Variants in HSD11B1 observed in about 807,000 individuals in gnomAD.
The protein encoded by HSD11B1 is 11-beta-hydroxysteroid dehydrogenase 1.
Under a neutral mutation model 22.1 loss-of-function variants are expected in HSD11B1, and 15 were observed. The ratio of observed to expected loss-of-function variants is 0.68; its 90% CI spans 0.45 to 1.04. HSD11B1 has a LOEUF of 1.04. HSD11B1 is among the 50% of genes least tolerant of loss of function. The pLI, the probability that HSD11B1 is intolerant of heterozygous loss-of-function variation, is 0.00. For synonymous variants in HSD11B1, 122 were observed against 125.2 expected (o/e 0.97, Z 0.17); for missense variants, 281 against 357.6 (o/e 0.79, Z 1.73).
chr1:209,705,724 G>A, intron 1 of HSD11B1, 87 bp from the exon 2 acceptor site: 1 of 1,525,544 alleles, frequency 6.6e-7, no homozygotes, highest in Non-Finnish European at 9.1e-7. Flanking sequence ...GTTACAAATT[G>A]CGATAAGCAT....
intron 4 of HSD11B1, among the ~76,000 whole-genome samples, chr1:209,712,320 G>A (rs985342164): frequency 6.6e-6 from 1 of 152,160 alleles, no homozygotes; most frequent in African/African-American, 2.4e-5. Context: ...TTCTACATCT[G>A]TGGATTCAAC....
chr1:209,720,108 G>T (rs897580459), intron 4 of HSD11B1, among the ~76,000 whole-genome samples: 2 of 152,064 alleles, frequency 1.3e-5, no homozygotes, highest in Non-Finnish European at 2.9e-5. Flanking sequence ...TTAAAAAATG[G>T]TTAAGATAGT....
In HSD11B1 at chr1:209,697,999, G is replaced by A. The variant is rs192345070; in HGVS notation, c.-48-6896G>A. Among the ~76,000 whole-genome samples, 167 of 140,564 alleles carry A rather than the reference G, an allele frequency of 1.2e-3. 1 individual carries two copies. The highest frequency in any genetic ancestry group is 4.2e-3 in the African/African-American group (160 of 38,356). The allele number at this position is 140,564 out of a possible 152,430, so 92.2% of individuals were successfully genotyped here. Reference sequence around the variant, plus strand: ...CTCTCTTTGGCCTCCCCAGTGGCTGGGATTACAGCCAAGAGCCACCAAACC... The same window carrying A: ...CTCTCTTTGGCCTCCCCAGTGGCTGAGATTACAGCCAAGAGCCACCAAACC... On this transcript the variant is annotated intron_variant, in intron 1 of 6. Transcript: ENST00000261465.
At chr1:209,718,078 C>T (rs58627173) in intron 4 of HSD11B1, among the ~76,000 whole-genome samples, 14,555 of 151,982 alleles carry the variant, frequency 0.096, 2,117 homozygotes, top group African/African-American at 0.31. Flanking sequence ...TGATAGTTTA[C>T]AGAGACTGGG....
At chr1:209,719,368 T>C (rs1391341573) in intron 4 of HSD11B1, among the ~76,000 whole-genome samples, 1 of 152,166 alleles carries the variant, frequency 6.6e-6, no homozygotes, top group Non-Finnish European at 1.5e-5. Context: ...TACGTGAAGT[T>C]CTTAGAGTGG....
At chr1:209,692,890 C>T (rs1037148574) in intron 1 of HSD11B1, among the ~76,000 whole-genome samples, 1 of 152,166 alleles carries the variant, frequency 6.6e-6, no homozygotes, top group African/African-American at 2.4e-5. Context: ...GAGTGGAAAT[C>T]AGGAGTGTGT....
In HSD11B1 at chr1:209,692,616, G is replaced by T. The variant is rs1001309203; in HGVS notation, c.-49+6331G>T. ...TCGGGTATTAAAATGGCGGGGGGGGGGGTGGGGGCTCGGTTCTTGCTAAAT... is the reference window on the plus strand; with the variant it reads ...TCGGGTATTAAAATGGCGGGGGGGGTGGTGGGGGCTCGGTTCTTGCTAAAT... On this transcript the variant is annotated intron_variant, in intron 1 of 6. Transcript: ENST00000261465. Among the ~76,000 whole-genome samples, 559 of 110,530 alleles carry T rather than the reference G, an allele frequency of 5.1e-3. 72 individuals carry two copies. The highest frequency in any genetic ancestry group is 0.018 in the African/African-American group (542 of 29,412). The allele number at this position is 110,530 out of a possible 152,430, so 72.5% of individuals were successfully genotyped here.
chr1:209,719,987 T>C (rs2076955481), intron 4 of HSD11B1, among the ~76,000 whole-genome samples: 1 of 152,108 alleles, frequency 6.6e-6, no homozygotes, highest in Non-Finnish European at 1.5e-5. Flanking sequence ...TCAGGAGAAA[T>C]ACCTAATGTA....
rs1431918325 is a variant in HSD11B1, at chr1:209,706,031, C to A, written c.219+90C>A. ...CACATATACACAGAAGCTAGCATAT[C>A]GCAGATCTATATACAGAGGCACATG... On this transcript the variant is annotated intron_variant, in intron 2 of 5. Coordinates refer to ENST00000367027, the MANE Select transcript of HSD11B1 (RefSeq NM_005525.4). The surrounding 1 kb of genome is among the most constrained non-coding windows in gnomAD (Gnocchi z 4.0). The A allele has an allele frequency of 5.2e-6, 8 of 1,543,324 alleles. No individual in the cohort carries two copies. Among genetic ancestry groups the A allele is most frequent in the Non-Finnish European group, 5.4e-6 (6 of 1,119,526 alleles).
intron 1 of HSD11B1, among the ~76,000 whole-genome samples, chr1:209,694,400 A>G (rs1326356087): frequency 1.3e-5 from 2 of 152,232 alleles, no homozygotes; most frequent in Non-Finnish European, 2.9e-5. Context: ...GGCTAGGAGT[A>G]AAAAGTGATG....
chr1:209,732,729 C>T, intron 5 of HSD11B1, 150 bp downstream of exon 5: 1 of 688,636 alleles, frequency 1.5e-6, no homozygotes, highest in Non-Finnish European at 2.6e-6. Context: ...GGTATATCTC[C>T]TAATGCTATC....
Position 209,706,869 on chromosome 1 carries a change from A to T in HSD11B1, c.331+49A>T, listed in dbSNP as rs576055469. On this transcript the variant is annotated intron_variant, in intron 3 of 5. Coordinates refer to ENST00000367027, the MANE Select transcript of HSD11B1 (RefSeq NM_005525.4). This position sits in a 1 kb window ranked among gnomAD's most constrained non-coding sequence, Gnocchi z 4.0. Reference sequence around the variant, plus strand: ...TCCTCTGAACTTTGCCCTTGGGGTCACCAAGAGCTTTTGGGAGGAGAATGG... The same window carrying T: ...TCCTCTGAACTTTGCCCTTGGGGTCTCCAAGAGCTTTTGGGAGGAGAATGG... 8.9e-6 allele frequency: 14 copies of T among 1,577,774 alleles called. No individual in the cohort carries two copies. The highest frequency in any genetic ancestry group is 2.7e-5 in the African/African-American group (2 of 72,740).
In HSD11B1 at chr1:209,734,373, A is replaced by G; in HGVS notation, c.731A>G (p.Glu244Gly). The G allele has an allele frequency of 6.2e-7, 1 of 1,614,146 alleles. No homozygotes were observed. The highest frequency in any genetic ancestry group is 1.1e-5 in the South Asian group (1 of 91,080). The change falls in exon 6 of 6, where the codon GAG (glutamate) becomes GGG (glycine). Residue 244 changes from glutamate to glycine, a missense_variant. Transcript: ENST00000367027. ...QAAPKEECAL[E>G]IIKGGALRQE... The stretch of plus-strand genomic sequence containing the variant: ...GCTCCAAAGGAGGAATGTGCCCTGG[A>G]GATCATCAAAGGGGGAGCTCTGCGC...
intron 1 of HSD11B1, among the ~76,000 whole-genome samples, chr1:209,686,534 G>A (rs2076729926): frequency 6.6e-6 from 1 of 152,194 alleles, no homozygotes; most frequent in African/African-American, 2.4e-5. Context: ...GAAGTCTCTT[G>A]CTGGCACTGA....
At chr1:209,713,523 C>T (rs1010621699) in intron 4 of HSD11B1, among the ~76,000 whole-genome samples, 1 of 152,156 alleles carries the variant, frequency 6.6e-6, no homozygotes, top group African/African-American at 2.4e-5. Context: ...TTATTTGCTT[C>T]TTGCTGTGCT....
intron 4 of HSD11B1, among the ~76,000 whole-genome samples, chr1:209,719,003 C>A (rs574546051): frequency 4.1e-3 from 282 of 69,206 alleles, no homozygotes; most frequent in East Asian, 8.0e-3. Context: ...CTGGGTGACA[C>A]AGTGAGACTC....
chr1:209,731,753 C>T (rs1191059006), intron 4 of HSD11B1, among the ~76,000 whole-genome samples: 1 of 152,120 alleles, frequency 6.6e-6, no homozygotes, highest in Non-Finnish European at 1.5e-5. Flanking sequence ...CTCTCTCTGT[C>T]ACCCAAGCTG....
In HSD11B1 at chr1:209,706,835, C is replaced by T. The variant is rs2076862656; in HGVS notation, c.331+15C>T. 4.3e-6 allele frequency: 7 copies of T among 1,611,124 alleles called. No homozygotes were observed. The highest frequency in any genetic ancestry group is 5.9e-6 in the Non-Finnish European group (7 of 1,177,408). On this transcript the variant is annotated intron_variant, in intron 3 of 5. Coordinates refer to ENST00000367027, the MANE Select transcript of HSD11B1 (RefSeq NM_005525.4). This position sits in a 1 kb window ranked among gnomAD's most constrained non-coding sequence, Gnocchi z 4.0. ...AAAGCTCATGGGTGAGGCTGTTTCTCTTACCTCCTCCTCTGAACTTTGCCC... is the reference window on the plus strand; with the variant it reads ...AAAGCTCATGGGTGAGGCTGTTTCTTTTACCTCCTCCTCTGAACTTTGCCC...
At chr1:209,722,209 C>A (rs929802908) in intron 4 of HSD11B1, among the ~76,000 whole-genome samples, 4 of 152,126 alleles carry the variant, frequency 2.6e-5, no homozygotes, top group African/African-American at 9.7e-5. Flanking sequence ...GTCAACAGGC[C>A]CCATACCTGC....
Sources: allele counts gnomAD v4.1 joint callset (sites outside exome capture counted in the v4.1 genomes callset), GRCh38; gene constraint gnomAD v4.1.1; non-coding constraint Gnocchi (gnomAD v3.1); transcripts MANE v1.5; gene names NCBI Gene and HGNC (gene_info 2026-07-23, HGNC 2026-07-21).